DCAF6: variants seen among roughly 807,000 people sequenced by gnomAD.
DCAF6 encodes DDB1 and CUL4 associated factor 6.
Under a neutral mutation model 125.1 loss-of-function variants are expected in DCAF6, and 54 were observed. The observed-to-expected ratio is 0.43, with a 90% CI of 0.35 to 0.54. DCAF6 has a LOEUF of 0.54. Among genes scored for constraint, DCAF6 ranks in the 20% least tolerant of loss-of-function variants. DCAF6 has a pLI of 0.01. For missense variants in DCAF6, 934 were observed against 1,161.7 expected (o/e 0.80, Z 2.85); for synonymous variants, 371 against 390.4 (o/e 0.95, Z 0.58).
chr1:167,883,973 G>C, the DCAF6 span, among the ~76,000 whole-genome samples: 3 of 152,054 alleles, frequency 2.0e-5, no homozygotes, highest in Admixed American at 6.6e-5. Context: ...TTTAATTTTT[G>C]TAGGTCTATA....
chr1:168,073,829 A>G (rs1025369533), intron 21 of DCAF6, among the ~76,000 whole-genome samples: 1 of 151,776 alleles, frequency 6.6e-6, no homozygotes, highest in African/African-American at 2.4e-5. Context: ...AATAAAAACA[A>G]TGTAATTTTT....
At chr1:168,072,322 A>AAG (rs1693202788) in intron 21 of DCAF6, among the ~76,000 whole-genome samples, 1 of 145,426 alleles carries the variant, frequency 6.9e-6, no homozygotes, top group Non-Finnish European at 1.5e-5. Flanking sequence ...AAAAAAAAAA[A>AAG]AAAGAAAAGA....
the DCAF6 span, among the ~76,000 whole-genome samples, chr1:167,866,976 C>T: frequency 2.0e-5 from 3 of 152,156 alleles, no homozygotes; most frequent in Non-Finnish European, 4.4e-5. Flanking sequence ...ATAAAGTCCC[C>T]CCCATGCTGT....
In DCAF6 at chr1:168,044,983, G is replaced by T. The variant is rs552983531; in HGVS notation, c.2014G>T (p.Val672Phe). ...NDLNLDRSCGVPEESASSEKA... is the reference protein window; with the variant it reads ...NDLNLDRSCGFPEESASSEKA... ...CCTCAATCTTGATCGCTCTTGTGGG[G>T]TTCCAGAAGAATCTGCTTCATCTGA... is the stretch of plus-strand genomic sequence containing the variant. The change falls in exon 16 of 22, where the codon GTT (valine) becomes TTT (phenylalanine). Residue 672 changes from valine (V) to phenylalanine (F), a missense_variant. Physicochemically the swap from Val to Phe is conservative, Grantham distance 50. Around this residue, in one of 5 missense-constraint regions of DCAF6, gnomAD observed 559 missense variants for 635.5 expected, o/e 0.88. Transcript: ENST00000367840. The T allele has an allele frequency of 5.6e-6, 9 of 1,613,974 alleles. No individual in the cohort carries two copies. The highest frequency in any genetic ancestry group is 6.8e-6 in the Non-Finnish European group (8 of 1,179,982).
chr1:167,970,581 C>T (rs1253329038), intron 3 of DCAF6, among the ~76,000 whole-genome samples: 1 of 151,994 alleles, frequency 6.6e-6, no homozygotes, highest in East Asian at 1.9e-4. Context: ...CCAGGCGTTC[C>T]ACCACTACAC....
Position 167,957,016 on chromosome 1 carries a change from T to C in DCAF6, c.159+5155T>C, listed in dbSNP as rs577055929. Among the ~76,000 whole-genome samples the C allele has an allele frequency of 2.0e-5, 3 of 152,264 alleles. No individual in the cohort carries two copies. In the South Asian group the frequency reaches 6.2e-4, roughly 32 times the overall value. ...AAATGTTTCTTGTACACTTAAAAAA[T>C]GTATATTTTGCTGTTTTTTAGTTGT... On this transcript the variant is annotated intron_variant, in intron 2 of 21. Transcript: ENST00000367840.
Position 167,987,625 on chromosome 1 carries a change from TA to T in DCAF6, c.552+18del. ...TGTAAAGATGTAAGAATTAAATTTT[TA>T]TACAAATGATGCAGAAAAAATTAAG... On this transcript the variant is annotated intron_variant, in intron 5 of 21. Transcript: ENST00000367840. The T allele has an allele frequency of 7.7e-7, 1 of 1,293,446 alleles. No homozygotes were observed. Among genetic ancestry groups the T allele is most frequent in the African/African-American group, 1.5e-5 (1 of 68,520 alleles). The allele number at this position is 1,293,446 out of a possible 1,614,324, so 80.1% of individuals were successfully genotyped here.
At chr1:167,925,088 T>C in the DCAF6 span, among the ~76,000 whole-genome samples, 1 of 152,192 alleles carries the variant, frequency 6.6e-6, no homozygotes, top group East Asian at 1.9e-4. Flanking sequence ...GTGATGGTAA[T>C]GCTACACATT....
At chr1:167,908,045 AC>A in the DCAF6 span, among the ~76,000 whole-genome samples, 1 of 152,200 alleles carries the variant, frequency 6.6e-6, no homozygotes, top group African/African-American at 2.4e-5. Flanking sequence ...ATATGATCTA[AC>A]AATCCCACAT....
intron 5 of DCAF6, among the ~76,000 whole-genome samples, chr1:167,989,464 A>C (rs753887234): frequency 6.6e-6 from 1 of 152,272 alleles, no homozygotes; most frequent in Non-Finnish European, 1.5e-5. Flanking sequence ...ACTGGTAACT[A>C]GAGTAATCCT....
the DCAF6 span, among the ~76,000 whole-genome samples, chr1:167,903,510 G>A: frequency 6.6e-6 from 1 of 152,028 alleles, no homozygotes; most frequent in South Asian, 2.1e-4. Flanking sequence ...GTTGCAGTGA[G>A]CCAAGATTGT....
At chr1:167,937,112 C>T (rs1407705629) in intron 1 of DCAF6, 104 bp downstream of exon 1, 28 of 950,530 alleles carry the variant, frequency 2.9e-5, no homozygotes, top group Non-Finnish European at 4.4e-5. Context: ...TCGGTGGGGG[C>T]GCCCGGAGAC....
chr1:168,023,340 G>T, intron 12 of DCAF6: 1 of 464,760 alleles, frequency 2.2e-6, no homozygotes. Flanking sequence ...TAAATTCTAG[G>T]TATCTGTCAT....
chr1:168,024,059 A>AC (rs920269265), intron 12 of DCAF6: 3 of 151,918 alleles, frequency 2.0e-5, no homozygotes, highest in African/African-American at 7.3e-5. Context: ...TTAAAAAAAA[A>AC]AAAATTAATT....
At chr1:167,901,943 T>C in the DCAF6 span, 6 of 1,607,826 alleles carry the variant, frequency 3.7e-6, no homozygotes, top group South Asian at 5.5e-5. Flanking sequence ...GATGCCTCCT[T>C]TGTCCCCAAC....
At chr1:167,884,260 G>A in the DCAF6 span, among the ~76,000 whole-genome samples, 2 of 152,314 alleles carry the variant, frequency 1.3e-5, no homozygotes, top group East Asian at 1.9e-4. Flanking sequence ...GCATGGCTGG[G>A]GAGGACTCAA....
intron 4 of DCAF6, among the ~76,000 whole-genome samples, chr1:167,980,549 A>G (rs1571780683): frequency 1.3e-5 from 2 of 151,854 alleles, no homozygotes; most frequent in African/African-American, 4.8e-5. Flanking sequence ...TGTGATTTTC[A>G]TTTCCCCAAA....
intron 12 of DCAF6, 21 bp from the exon 13 acceptor site, chr1:168,038,350 T>C: frequency 6.4e-7 from 1 of 1,560,620 alleles, no homozygotes; most frequent in Non-Finnish European, 8.8e-7. Context: ...CTTTTTCAAA[T>C]GTTTTAAACA....
At chr1:167,970,801 A>G (rs1383235092) in intron 3 of DCAF6, among the ~76,000 whole-genome samples, 3 of 152,276 alleles carry the variant, frequency 2.0e-5, no homozygotes, top group East Asian at 3.9e-4. Flanking sequence ...ATTGAAAATA[A>G]GAGTTTTGAA....
Sources: allele counts gnomAD v4.1 joint callset (sites outside exome capture counted in the v4.1 genomes callset), GRCh38; gene constraint gnomAD v4.1.1; regional missense constraint gnomAD v4.1.1; transcripts MANE v1.5; gene names NCBI Gene and HGNC (gene_info 2026-07-23, HGNC 2026-07-21).